The following CCR3 variants were observed in gnomAD, a reference collection of about 807,000 sequenced individuals.
CCR3 encodes the protein C-C chemokine receptor type 3.
For missense variants in CCR3, 419 were observed against 437.5 expected (o/e 0.96, Z 0.38); for synonymous variants, 203 against 179.2 (o/e 1.13, Z -1.06).
chr3:46,241,779 C>T (rs1700089342), upstream of CCR3, among the ~76,000 whole-genome samples: 1 of 152,140 alleles, frequency 6.6e-6, no homozygotes, highest in South Asian at 2.1e-4. Context: ...CTACTGGACC[C>T]TGCAGAATAA....
chr3:46,244,595 T>C lies in CCR3; in HGVS notation c.-12+2057T>C, dbSNP rs1267443497. The stretch of plus-strand genomic sequence containing the variant: ...GTCACAAGGTGCTCAGTGGGGGAGC[T>C]TTTTGAGCCAGGATGAGCCAGGAAA... On this transcript the variant is annotated intron_variant, in intron 1 of 1. Coordinates refer to ENST00000395940, the MANE Select transcript of CCR3 (RefSeq NM_178329.3). Among the ~76,000 whole-genome samples the C allele has an allele frequency of 2.6e-5, 4 of 152,072 alleles. No individual in the cohort carries two copies. In the East Asian group the frequency reaches 7.7e-4, roughly 29 times the overall value.
At chr3:46,230,993 T>C (rs537315585) in intron 2 of CCR3, among the ~76,000 whole-genome samples, 4 of 152,304 alleles carry the variant, frequency 2.6e-5, no homozygotes, top group East Asian at 3.9e-4. Context: ...GGCGCGATCT[T>C]GGCTCACTGC....
intron 1 of CCR3, among the ~76,000 whole-genome samples, chr3:46,242,963 G>T (rs6804341): frequency 1.2e-5 from 1 of 86,292 alleles, no homozygotes; most frequent in Admixed American, 1.4e-4. Flanking sequence ...ATATATATGT[G>T]TATATATATA....
At chr3:46,258,017 T>G (rs1209714608) in intron 1 of CCR3, among the ~76,000 whole-genome samples, 2 of 152,226 alleles carry the variant, frequency 1.3e-5, no homozygotes, top group Non-Finnish European at 2.9e-5. Context: ...ATTTGCGTTC[T>G]GTAATTGTTC....
At chr3:46,261,926 A>G (rs1466277920) in intron 1 of CCR3, among the ~76,000 whole-genome samples, 1 of 152,232 alleles carries the variant, frequency 6.6e-6, no homozygotes, top group Non-Finnish European at 1.5e-5. Context: ...ATACCTCATG[A>G]GTATATTAGC....
intron 2 of CCR3, among the ~76,000 whole-genome samples, chr3:46,224,709 C>G (rs2125924133): frequency 6.9e-6 from 1 of 145,550 alleles, no homozygotes; most frequent in East Asian, 2.0e-4. Flanking sequence ...TGCACTCCAG[C>G]CTGGGCAACA....
chr3:46,218,674 A>G (rs1393976890), intron 2 of CCR3, among the ~76,000 whole-genome samples: 1 of 152,188 alleles, frequency 6.6e-6, no homozygotes, highest in Non-Finnish European at 1.5e-5. Flanking sequence ...CTGATTTAAC[A>G]TATGTAAGTC....
upstream of CCR3, among the ~76,000 whole-genome samples, chr3:46,237,882 G>A (rs1575493783): frequency 1.3e-5 from 2 of 152,282 alleles, no homozygotes; most frequent in Non-Finnish European, 2.9e-5. Context: ...CCAGAACACT[G>A]TTTTTCATAA....
intron 2 of CCR3, among the ~76,000 whole-genome samples, chr3:46,232,119 T>A (rs1699971463): frequency 6.6e-6 from 1 of 152,238 alleles, no homozygotes; most frequent in Admixed American, 6.5e-5. Context: ...CATATTTATT[T>A]ACTGAGTTTG....
chr3:46,264,649 A>G (rs1012288148), intron 1 of CCR3: 3 of 533,572 alleles, frequency 5.6e-6, no homozygotes, highest in African/African-American at 4.0e-5. Flanking sequence ...GCTCATCATT[A>G]TGGGGCCCTG....
chr3:46,228,997 T>G (rs1281761724), intron 2 of CCR3, among the ~76,000 whole-genome samples: 1 of 152,242 alleles, frequency 6.6e-6, no homozygotes, highest in Non-Finnish European at 1.5e-5. Context: ...TCTTTCTAGC[T>G]TTTCCTTTCC....
chr3:46,228,603 T>C (rs1333422853), intron 2 of CCR3, among the ~76,000 whole-genome samples: 1 of 152,248 alleles, frequency 6.6e-6, no homozygotes, highest in East Asian at 1.9e-4. Flanking sequence ...TTCAAGGCTC[T>C]CATGGAAGGA....
At chr3:46,264,317 G>C (rs1700578306) in intron 1 of CCR3, 1 of 936,992 alleles carries the variant, frequency 1.1e-6, no homozygotes, top group Admixed American at 2.1e-5. Context: ...GCTTATAATT[G>C]TAATTATTGT....
At chr3:46,215,082 G>T (rs1180743278) in intron 2 of CCR3, among the ~76,000 whole-genome samples, 1 of 152,146 alleles carries the variant, frequency 6.6e-6, no homozygotes, top group Non-Finnish European at 1.5e-5. Flanking sequence ...CTGGCAGGGG[G>T]TCAGGCAGGA....
chr3:46,212,638 T>G (rs1386063404), intron 2 of CCR3, among the ~76,000 whole-genome samples: 1 of 152,148 alleles, frequency 6.6e-6, no homozygotes, highest in East Asian at 1.9e-4. Flanking sequence ...CAAGGTGCTC[T>G]CTCACCTCCC....
Position 46,266,549 on chromosome 3 carries a change from T to C in CCR3, c.*323T>C, listed in dbSNP as rs1700639026. The C allele has an allele frequency of 4.2e-6, 1 of 239,112 alleles. No individual in the cohort carries two copies. The highest frequency in any genetic ancestry group is 2.3e-5 in the African/African-American group (1 of 44,134). 14.8% of individuals were successfully genotyped at this position (239,112 alleles called of 1,614,324 possible). A position where few individuals can be genotyped will look rare whatever the true frequency, so the allele number is the denominator to read the frequency against. On this transcript the variant is annotated 3_prime_UTR_variant, in exon 2 of 2. Transcript: ENST00000395940. ...TGCCGCTACAAAAAGGTAAAACTTT[T>C]TATATTTTATACATTAACTTCAGCC...
chr3:46,212,330 T>G (rs1277970907), intron 2 of CCR3, among the ~76,000 whole-genome samples: 2 of 152,138 alleles, frequency 1.3e-5, no homozygotes, highest in Non-Finnish European at 2.9e-5. Flanking sequence ...CGAAAGAGGT[T>G]GCTTCTGATC....
Position 46,260,575 on chromosome 3 carries a change from G to T in CCR3, c.-11-4573G>T, listed in dbSNP as rs1700505316. Among the ~76,000 whole-genome samples the T allele has an allele frequency of 2.6e-5, 4 of 152,206 alleles. No homozygotes were observed. The South Asian group carries it at 8.3e-4, about 31-fold the overall frequency. On this transcript the variant is annotated intron_variant, in intron 1 of 1. Coordinates refer to ENST00000395940, the MANE Select transcript of CCR3 (RefSeq NM_178329.3). ...CAGTCAAACCTTAAAGCTCCAGAAT[G>T]ATCTCCTTTGACTCCATGTCTTGCA...
At position 46,266,131 on chromosome 3, in the gene CCR3, G is replaced by A; in HGVS notation, c.973G>A (p.Gly325Ser). ...CCACAGGCACTTGCTCATGCACCTG[G>A]GCAGATACATCCCATTCCTTCCTAG... is the stretch of plus-strand genomic sequence containing the variant. ...FFHRHLLMHL[G>S]RYIPFLPSEK... Residue 325 changes from glycine to serine, a missense_variant, in exon 2 of 2, where the codon GGC becomes AGC. Gly to Ser is a moderately conservative substitution (Grantham distance 56). Coordinates refer to ENST00000395940, the MANE Select transcript of CCR3 (RefSeq NM_178329.3). 1.2e-6 allele frequency: 2 copies of A among 1,613,966 alleles called. No homozygotes were observed. Among genetic ancestry groups the A allele is most frequent in the East Asian group, 2.2e-5 (1 of 44,868 alleles).
Sources: gnomAD v4.1 joint callset for allele counts (sites outside exome capture counted in the v4.1 genomes callset) on GRCh38, gnomAD v4.1.1 for gene constraint, MANE v1.5 for transcripts, NCBI Gene and HGNC (gene_info 2026-07-23, HGNC 2026-07-21) for gene names.